The following LPAR4 variants were observed in gnomAD, a reference collection of about 807,000 sequenced individuals.
LPAR4 encodes the protein G-protein coupled receptor 23.
In LPAR4, 14 loss-of-function variants were observed where a neutral mutation model predicts 9.2. The observed-to-expected ratio is 1.51, with a 90% CI of 1.00 to 2.37. LPAR4 has a LOEUF of 2.37. Ranked by LOEUF, LPAR4 falls within the 30% of genes most tolerant of loss-of-function variation. The pLI, the probability that LPAR4 is intolerant of heterozygous loss-of-function variation, is 0.00. For missense variants in LPAR4, 251 were observed against 272.1 expected, an observed-to-expected ratio of 0.92 and a Z score of 0.55; for synonymous variants, 131 against 97.9, an observed-to-expected ratio of 1.34 and a Z score of -1.99.
At chrX:78,750,037 C>T (rs1229126374) in intron 1 of LPAR4, 137 bp from the exon 2 acceptor site, 1 of 111,665 alleles carries the variant, frequency 9.0e-6, no homozygotes, top group Non-Finnish European at 1.9e-5. Flanking sequence ...TTTGAACTTC[C>T]TAATTTGCTT....
chrX:78,755,898 GC>G lies in LPAR4; in HGVS notation c.1031del (p.Pro344LeufsTer10), dbSNP rs1439948886. The G allele has an allele frequency of 8.3e-7, 1 of 1,205,953 alleles. No homozygotes were observed. Among genetic ancestry groups the G allele is most frequent in the Non-Finnish European group, 1.1e-6 (1 of 891,866 alleles). Reference protein sequence around the residue: ...FKTETPLTTKPSLPAIQEEVS... With the variant: ...FKTETPLTTKXSLPAIQEEVS... ...AGACTGAAACACCTTTGACCACAAA[GC>G]CTTCCCTTCCAGCTATTCAAGAGGA... On this transcript the variant is annotated frameshift_variant, in exon 5 of 5. Transcript: ENST00000614823. LOFTEE classifies it high-confidence loss of function.
Position 78,756,184 on chromosome X carries a change from A to T in LPAR4, c.*202A>T, listed in dbSNP as rs1412262842. 4.8e-5 allele frequency: 19 copies of T among 396,823 alleles called. No homozygotes were observed. The highest frequency in any genetic ancestry group is 7.1e-5 in the Non-Finnish European group (16 of 226,474). 32.7% of individuals were successfully genotyped at this position (396,823 alleles called of 1,213,427 possible). On this transcript the variant is annotated 3_prime_UTR_variant, in exon 5 of 5. Coordinates refer to ENST00000614823, the MANE Select transcript of LPAR4 (RefSeq NM_001278000.3). ...AATCTAATTACAACAACCAAGATGG[A>T]TTGCCAAACTCTTCTGCTTGGTTGG...
chrX:78,754,951 A>C lies in LPAR4; in HGVS notation c.82A>C (p.Asn28His). Residue 28 changes from asparagine to histidine, a missense_variant, in exon 5 of 5, where the codon AAT becomes CAT. By Grantham distance (68) the Asn-to-His change is moderately conservative (BLOSUM62 1). Transcript: ENST00000614823. ...LRPRLGNATA[N>H]NTCIVDDSFK... Reference sequence around the variant, plus strand: ...ACCCAGGTTGGGCAATGCTACTGCCAATAATACTTGCATTGTTGATGATTC... The same window carrying C: ...ACCCAGGTTGGGCAATGCTACTGCCCATAATACTTGCATTGTTGATGATTC... The C allele has an allele frequency of 2.5e-6, 3 of 1,207,315 alleles. No individual in the cohort carries two copies. Among genetic ancestry groups the C allele is most frequent in the Non-Finnish European group, 3.4e-6 (3 of 891,752 alleles).
chrX:78,749,868 G>A (rs927497872), intron 1 of LPAR4, among the ~76,000 whole-genome samples: 16 of 111,349 alleles, frequency 1.4e-4, no homozygotes, highest in Non-Finnish European at 2.8e-4. Context: ...CACCAGCATG[G>A]CACTCATTGA....
Position 78,757,407 on chromosome X carries a change from T to C in LPAR4, c.*1425T>C, listed in dbSNP as rs1296009713. On this transcript the variant is annotated 3_prime_UTR_variant, in exon 5 of 5. Transcript: ENST00000614823. ...AGCATCTGCGAAACTTACAAAACACTATAACATTCATATAATGCTTTGGAT... is the reference window on the plus strand; with the variant it reads ...AGCATCTGCGAAACTTACAAAACACCATAACATTCATATAATGCTTTGGAT... 9.0e-6 allele frequency among the ~76,000 whole-genome samples: 1 copy of C among 111,698 alleles called. No homozygotes were observed. Among genetic ancestry groups the C allele is most frequent in the Non-Finnish European group, 1.9e-5 (1 of 53,000 alleles).
Position 78,755,993 on chromosome X carries a change from T to A in LPAR4, c.*11T>A. On this transcript the variant is annotated 3_prime_UTR_variant, in exon 5 of 5. Coordinates refer to ENST00000614823, the MANE Select transcript of LPAR4 (RefSeq NM_001278000.3). ...GAATCCACCTTTTAGGTATGAGAAA[T>A]GTGTTCAGGTCCAGATATGGTTTCT... 8.5e-7 allele frequency: 1 copy of A among 1,182,225 alleles called. No homozygotes were observed. Among genetic ancestry groups the A allele is most frequent in the Non-Finnish European group, 1.1e-6 (1 of 876,297 alleles).
chrX:78,752,167 G>T (rs1018609770), intron 4 of LPAR4, among the ~76,000 whole-genome samples: 2 of 110,721 alleles, frequency 1.8e-5, no homozygotes, highest in African/African-American at 6.5e-5. Context: ...CTTTTAAAAG[G>T]CTATTTCTTG....
chrX:78,755,777 A>G lies in LPAR4; in HGVS notation c.908A>G (p.Asn303Ser), dbSNP rs1198665526. 1 of 1,209,178 alleles carries G rather than the reference A, an allele frequency of 8.3e-7. No individual in the cohort carries two copies. Among genetic ancestry groups the G allele is most frequent in the Non-Finnish European group, 1.1e-6 (1 of 893,615 alleles). ...YPITLCLATL[N>S]CCFDPFIYYF... ...ATCACCTTGTGCCTTGCAACTCTGA[A>G]CTGTTGTTTTGACCCTTTCATCTAT... The change falls in exon 5 of 5, where the codon AAC becomes AGC. Residue 303 changes from asparagine to serine, a missense_variant. Transcript: ENST00000614823.
At chrX:78,752,430 C>T (rs1387477199) in intron 4 of LPAR4, among the ~76,000 whole-genome samples, 1 of 111,915 alleles carries the variant, frequency 8.9e-6, no homozygotes, top group Non-Finnish European at 1.9e-5. Flanking sequence ...AACATATTCC[C>T]TATCGCTCCA....
chrX:78,748,683 C>T (rs1478851519), intron 1 of LPAR4, among the ~76,000 whole-genome samples: 1 of 111,477 alleles, frequency 9.0e-6, no homozygotes, highest in East Asian at 2.8e-4. Flanking sequence ...TTTCAGTTAC[C>T]TTTTAAAAGG....
At chrX:78,754,762 G>T in intron 4 of LPAR4, 29 bp from the exon 5 acceptor site, 1 of 637,800 alleles carries the variant, frequency 1.6e-6, no homozygotes. Context: ...AGGCAAATTT[G>T]ATTATTTGTT....
Position 78,752,362 on chromosome X carries a change from G to A in LPAR4, c.-80+1051G>A, listed in dbSNP as rs139995134. Reference sequence around the variant, plus strand: ...ACCTGTATGAGTGTGACCTATGCCTGTGACTTGACCTAGAGTCTTATCTGT... The same window carrying A: ...ACCTGTATGAGTGTGACCTATGCCTATGACTTGACCTAGAGTCTTATCTGT... On this transcript the variant is annotated intron_variant, in intron 4 of 4. Coordinates refer to ENST00000614823, the MANE Select transcript of LPAR4 (RefSeq NM_001278000.3). Among the ~76,000 whole-genome samples, 805 of 111,857 alleles carry A rather than the reference G, an allele frequency of 7.2e-3. 6 individuals are homozygous for A. Among genetic ancestry groups the A allele is most frequent in the African/African-American group, 0.025 (761 of 30,826 alleles).
chrX:78,756,140 G>A lies in LPAR4; in HGVS notation c.*158G>A. 1 of 465,116 alleles carries A rather than the reference G, an allele frequency of 2.2e-6. No individual in the cohort carries two copies. Among genetic ancestry groups the A allele is most frequent in the Non-Finnish European group, 3.7e-6 (1 of 273,381 alleles). 38.3% of individuals were successfully genotyped at this position (465,116 alleles called of 1,213,427 possible). The stretch of plus-strand genomic sequence containing the variant: ...ACTGTAGAGTTTTTATTGCTGTTTT[G>A]TTCAGTAATTATAGGTCAAATCTAA... On this transcript the variant is annotated 3_prime_UTR_variant, in exon 5 of 5. Transcript: ENST00000614823.
intron 2 of LPAR4, 123 bp from the exon 3 acceptor site, chrX:78,750,607 C>T (rs377555793): frequency 9.0e-6 from 1 of 110,760 alleles, no homozygotes; most frequent in East Asian, 2.8e-4. Flanking sequence ...GAATTGAAGC[C>T]TTGATCATAT....
intron 1 of LPAR4, among the ~76,000 whole-genome samples, chrX:78,749,532 A>T (rs1331555928): frequency 9.0e-6 from 1 of 111,259 alleles, no homozygotes; most frequent in Admixed American, 9.6e-5. Flanking sequence ...TGACCAGGAA[A>T]CAGGTGGGAA....
Position 78,755,195 on chromosome X carries a change from C to T in LPAR4, c.326C>T (p.Thr109Ile), listed in dbSNP as rs1925233189. 1.7e-6 allele frequency: 2 copies of T among 1,210,329 alleles called. No individual in the cohort carries two copies. Among genetic ancestry groups the T allele is most frequent in the Non-Finnish European group, 2.2e-6 (2 of 894,226 alleles). ...AACCGCCACTGGCCTTTTGGTGACA[C>T]CCTCTGCAAGATCTCTGGAACTGCA... ...NFNRHWPFGD[T>I]LCKISGTAFL... is the part of the protein sequence containing the mutation. Residue 109 changes from threonine (T) to isoleucine (I), a missense_variant, in exon 5 of 5, where the codon ACC becomes ATC. Physicochemically the swap from Thr to Ile is moderately conservative, Grantham distance 89 (BLOSUM62 -1). Coordinates refer to ENST00000614823, the MANE Select transcript of LPAR4 (RefSeq NM_001278000.3).
Position 78,756,062 on chromosome X carries a change from T to A in LPAR4, c.*80T>A. On this transcript the variant is annotated 3_prime_UTR_variant, in exon 5 of 5. Coordinates refer to ENST00000614823, the MANE Select transcript of LPAR4 (RefSeq NM_001278000.3). ...CTATAAACTAAAGATTTGAAGCTAATGATACTGAGAATAATGCACCAAATC... is the reference window on the plus strand; with the variant it reads ...CTATAAACTAAAGATTTGAAGCTAAAGATACTGAGAATAATGCACCAAATC... 1 of 774,608 alleles carries A rather than the reference T, an allele frequency of 1.3e-6. No homozygotes were observed. Among genetic ancestry groups the A allele is most frequent in the East Asian group, 3.2e-5 (1 of 31,381 alleles). 63.8% of individuals were successfully genotyped at this position (774,608 alleles called of 1,213,427 possible).
chrX:78,751,891 A>C (rs1925078244), intron 4 of LPAR4, among the ~76,000 whole-genome samples: 1 of 111,440 alleles, frequency 9.0e-6, no homozygotes, highest in South Asian at 3.8e-4. Flanking sequence ...AGTAGGGCTG[A>C]TGCAATCTTT....
In LPAR4 at chrX:78,750,176, A is replaced by G. The variant is rs1178685476; in HGVS notation, c.-292A>G. 1.8e-5 allele frequency: 2 copies of G among 112,037 alleles called. No individual in the cohort carries two copies. The highest frequency in any genetic ancestry group is 3.8e-5 in the Non-Finnish European group (2 of 53,188). The allele number at this position is 112,037 out of a possible 1,213,427, so 9.2% of individuals were successfully genotyped here. On this transcript the variant is annotated splice_region_variant and 5_prime_UTR_variant, in exon 2 of 5. Coordinates refer to ENST00000614823, the MANE Select transcript of LPAR4 (RefSeq NM_001278000.3). ...ATAAAATATTCATTTCATTCCAGGA[A>G]GACAGATTTCTGGAGGAGTGTGAAA... is the stretch of plus-strand genomic sequence containing the variant.
Sources: allele counts gnomAD v4.1 joint callset (sites outside exome capture counted in the v4.1 genomes callset), GRCh38; gene constraint gnomAD v4.1.1; transcripts MANE v1.5; gene names NCBI Gene and HGNC (gene_info 2026-07-23, HGNC 2026-07-21).